Variants in ITPR1 observed in about 807,000 individuals in gnomAD.
The protein encoded by ITPR1 is inositol 1,4,5-trisphosphate receptor type 1.
Under a neutral mutation model 318.4 loss-of-function variants are expected in ITPR1, and 96 were observed. That is an observed-to-expected ratio of 0.30 (90% CI 0.26 to 0.36). The LOEUF (loss-of-function observed/expected upper bound fraction) is 0.36, where lower values mean the gene tolerates loss of function less well. Ranked by LOEUF, ITPR1 falls within the 10% of genes least tolerant of loss-of-function variation. The pLI is 1.00. For missense variants in ITPR1, 2,440 were observed against 3,460.2 expected (o/e 0.71, Z 7.40); for synonymous variants, 1,312 against 1,289.9 (o/e 1.02, Z -0.37).
At chr3:4,610,904 C>A in intron 4 of ITPR1, among the ~76,000 whole-genome samples, 1 of 109,992 alleles carries the variant, frequency 9.1e-6, no homozygotes. Context: ...CCTTCCCCCC[C>A]TTCTCCTTCT....
intron 31 of ITPR1, among the ~76,000 whole-genome samples, chr3:4,690,128 T>G (rs547670598): frequency 6.6e-6 from 1 of 151,996 alleles, no homozygotes. Flanking sequence ...AATACAAATA[T>G]TAGTTGGGTA....
chr3:4,721,254 T>C (rs2042146257), intron 40 of ITPR1, among the ~76,000 whole-genome samples: 1 of 150,210 alleles, frequency 6.7e-6, no homozygotes, highest in Admixed American at 6.6e-5. Context: ...AATTTGGTCA[T>C]GTCAGAATGT....
chr3:4,754,586 C>T (rs1258059621), intron 44 of ITPR1, among the ~76,000 whole-genome samples: 1 of 152,220 alleles, frequency 6.6e-6, no homozygotes, highest in Non-Finnish European at 1.5e-5. Context: ...GCAGCCCAGA[C>T]ATGCAGTTCA....
intron 4 of ITPR1, among the ~76,000 whole-genome samples, chr3:4,529,626 T>C (rs1393867832): frequency 2.0e-5 from 3 of 152,214 alleles, no homozygotes; most frequent in Non-Finnish European, 2.9e-5. Flanking sequence ...GTGCCAAAAC[T>C]AGGGTTGGGG....
At chr3:4,807,095 TACAAA>T (rs2048607008) in intron 55 of ITPR1, among the ~76,000 whole-genome samples, 1 of 33,650 alleles carries the variant, frequency 3.0e-5, no homozygotes, top group Non-Finnish European at 6.5e-5. Flanking sequence ...GAGGGGGGCT[TACAAA>T]GAGAGGGGGG....
intron 4 of ITPR1, among the ~76,000 whole-genome samples, chr3:4,575,283 A>T (rs1330502344): frequency 2.0e-5 from 3 of 152,196 alleles, no homozygotes; most frequent in Non-Finnish European, 1.5e-5. Flanking sequence ...GGAAAACCAG[A>T]GAGAAGGTTT....
intron 4 of ITPR1, among the ~76,000 whole-genome samples, chr3:4,615,869 G>A (rs931546398): frequency 2.6e-5 from 4 of 152,178 alleles, no homozygotes; most frequent in African/African-American, 9.7e-5. Context: ...AAAGGCAGAG[G>A]GCAGCAGCCT....
At chr3:4,829,839 A>G (rs2106527848) in intron 60 of ITPR1, among the ~76,000 whole-genome samples, 1 of 144,798 alleles carries the variant, frequency 6.9e-6, no homozygotes, top group South Asian at 2.2e-4. Context: ...TCCTCTGCAC[A>G]CCTCCTATTT....
At position 4,694,516 on chromosome 3, in the gene ITPR1, G is replaced by A. The variant is rs573074396; in HGVS notation, c.4281+775G>A. 3.0e-3 allele frequency among the ~76,000 whole-genome samples: 462 copies of A among 152,152 alleles called. 1 individual carries two copies. Among genetic ancestry groups the A allele is most frequent in the Middle Eastern group, 6.8e-3 (2 of 294 alleles). ...GGTGGGGATATCTTTTGAGAAATGC[G>A]TTCTTCGGTGATTTCCTCATTGTGC... On this transcript the variant is annotated intron_variant, in intron 33 of 61. Coordinates refer to ENST00000649015, the MANE Select transcript of ITPR1 (RefSeq NM_001378452.1).
At position 4,836,370 on chromosome 3, in the gene ITPR1, T is replaced by C. The variant is rs564689418; in HGVS notation, c.8029-404T>C. The stretch of plus-strand genomic sequence containing the variant: ...GCAGTGTGAATGTACTTAATGCCAC[T>C]AAACTGTATGCTTAAAATGGTTACA... On this transcript the variant is annotated intron_variant, in intron 60 of 61. Transcript: ENST00000649015. 2.0e-5 allele frequency among the ~76,000 whole-genome samples: 3 copies of C among 152,272 alleles called. No individual in the cohort carries two copies. In the East Asian group the frequency reaches 5.8e-4, roughly 29 times the overall value.
rs144673169 is a variant in ITPR1 at position 4,538,774 on chromosome 3, G to T, written c.163+17680G>T. Reference sequence around the variant, plus strand: ...ACATGGATGGAGCAAACTAATTCAAGAACAGAAAACCAAACATTGCATGTT... The same window carrying T: ...ACATGGATGGAGCAAACTAATTCAATAACAGAAAACCAAACATTGCATGTT... On this transcript the variant is annotated intron_variant, in intron 4 of 61. Coordinates refer to ENST00000649015, the MANE Select transcript of ITPR1 (RefSeq NM_001378452.1). 2.5e-3 allele frequency among the ~76,000 whole-genome samples: 377 copies of T among 152,216 alleles called. 1 individual carries two copies. Among genetic ancestry groups the T allele is most frequent in the African/African-American group, 8.7e-3 (361 of 41,538 alleles).
At chr3:4,499,475 TC>T in intron 2 of ITPR1, among the ~76,000 whole-genome samples, 1 of 152,210 alleles carries the variant, frequency 6.6e-6, no homozygotes, top group Admixed American at 6.5e-5. Flanking sequence ...GGTTTATACT[TC>T]CCTGATATAT....
chr3:4,661,505 C>T (rs950195183), intron 14 of ITPR1, among the ~76,000 whole-genome samples: 32 of 152,244 alleles, frequency 2.1e-4, no homozygotes, highest in African/African-American at 6.7e-4. Flanking sequence ...TTCTCTCCAG[C>T]CCCTTTACTT....
In ITPR1 at chr3:4,639,484, G is replaced by C. The variant is rs762091528; in HGVS notation, c.366+14G>C. ...AATGTGATCCAGGTAGGTCAAGGCAGCTCTTCCCTTCTGAAGCTGAAGCGT... is the reference window on the plus strand; with the variant it reads ...AATGTGATCCAGGTAGGTCAAGGCACCTCTTCCCTTCTGAAGCTGAAGCGT... On this transcript the variant is annotated intron_variant, in intron 6 of 61. Coordinates refer to ENST00000649015, the MANE Select transcript of ITPR1 (RefSeq NM_001378452.1). 4 of 1,545,926 alleles carry C rather than the reference G, an allele frequency of 2.6e-6. No homozygotes were observed. The highest frequency in any genetic ancestry group is 3.5e-6 in the Non-Finnish European group (4 of 1,135,162).
chr3:4,672,553 C>T lies in ITPR1; in HGVS notation c.2205-583C>T, dbSNP rs1381045362. ...TCTCCCAAGTGAATGAGAAAGAGTG[C>T]CTTAATTGGTCAGGTTCCAGTTAAC... On this transcript the variant is annotated intron_variant, in intron 20 of 61. Coordinates refer to ENST00000649015, the MANE Select transcript of ITPR1 (RefSeq NM_001378452.1). Among the ~76,000 whole-genome samples the T allele has an allele frequency of 3.3e-5, 5 of 152,108 alleles. No homozygotes were observed. The East Asian group carries it at 9.6e-4, about 29-fold the overall frequency.
rs549582017 is a variant in ITPR1, at chr3:4,531,696, G to T, written c.163+10602G>T. 3.9e-5 allele frequency among the ~76,000 whole-genome samples: 6 copies of T among 152,270 alleles called. No individual in the cohort carries two copies. In the South Asian group the frequency reaches 1.0e-3, roughly 26 times the overall value. ...TACTTGCTCTGTACTCTGGGACTTT[G>T]CATGTCCTGTTTCTTCTGCCTGAAA... On this transcript the variant is annotated intron_variant, in intron 4 of 61. Transcript: ENST00000649015.
At chr3:4,740,105 C>G (rs943734659) in intron 44 of ITPR1, among the ~76,000 whole-genome samples, 1 of 152,208 alleles carries the variant, frequency 6.6e-6, no homozygotes, top group East Asian at 1.9e-4. Flanking sequence ...GGGAGAAAAA[C>G]TCCACCTCTT....
At chr3:4,576,461 T>A (rs2088671794) in intron 4 of ITPR1, among the ~76,000 whole-genome samples, 1 of 152,140 alleles carries the variant, frequency 6.6e-6, no homozygotes, top group South Asian at 2.1e-4. Flanking sequence ...TGAGAGATAA[T>A]GACTAGGAGT....
At chr3:4,680,924 A>G (rs1391153244) in intron 25 of ITPR1, among the ~76,000 whole-genome samples, 2 of 152,184 alleles carry the variant, frequency 1.3e-5, no homozygotes, top group Admixed American at 1.3e-4. Context: ...GTGATGAGAC[A>G]GTTGAGGTTT....
Sources: allele counts gnomAD v4.1 joint callset (sites outside exome capture counted in the v4.1 genomes callset), GRCh38; gene constraint gnomAD v4.1.1; transcripts MANE v1.5; gene names NCBI Gene and HGNC (gene_info 2026-07-23, HGNC 2026-07-21).